Variants in FILIP1L observed in about 807,000 individuals in gnomAD.
FILIP1L encodes the protein filamin A-interacting protein 1-like.
In FILIP1L, 55 loss-of-function variants were observed where a neutral mutation model predicts 96.6. The ratio of observed to expected loss-of-function variants is 0.57; its 90% CI spans 0.46 to 0.71. The LOEUF is 0.71. Among genes scored for constraint, FILIP1L ranks in the 30% least tolerant of loss-of-function variants. The pLI is 0.00. For missense variants in FILIP1L, 1,304 were observed against 1,321.2 expected (o/e 0.99, Z 0.20); for synonymous variants, 467 against 473.9 (o/e 0.99, Z 0.19).
chr3:99,909,950 A>G lies in FILIP1L; in HGVS notation c.605+14280T>C, dbSNP rs1706741660. Reference sequence around the variant, plus strand: ...ACAAGAGCTGTTGTCATCTGACCAAAATGAGTGAGAAATTTCAGTTCTCGG... The same window carrying G: ...ACAAGAGCTGTTGTCATCTGACCAAGATGAGTGAGAAATTTCAGTTCTCGG... On this transcript the variant is annotated intron_variant, in intron 4 of 5. Coordinates refer to ENST00000477258, the MANE Select transcript of FILIP1L (RefSeq NM_001387850.1). Among the ~76,000 whole-genome samples the G allele has an allele frequency of 5.1e-5, 7 of 138,310 alleles. 1 individual carries two copies. Among genetic ancestry groups the G allele is most frequent in the Non-Finnish European group, 8.3e-5 (5 of 60,238 alleles). The allele number at this position is 138,310 out of a possible 152,430, so 90.7% of individuals were successfully genotyped here. A position where few individuals can be genotyped will look rare whatever the true frequency, so the allele number is the denominator to read the frequency against.
intron 1 of FILIP1L, among the ~76,000 whole-genome samples, chr3:100,098,286 A>G (rs2066245660): frequency 6.6e-6 from 1 of 152,254 alleles, no homozygotes; most frequent in Non-Finnish European, 1.5e-5. Context: ...AGAAGTAAAG[A>G]AACAAGCACT....
chr3:99,830,089 AG>A lies in FILIP1L; in HGVS notation c.*324del, dbSNP rs1315207364. ...ATGAAGAATTACTTCTGTTTTCACCAGAAAACTCTTGAACTGTTCTAGTGAA... is the reference window on the plus strand; with the variant it reads ...ATGAAGAATTACTTCTGTTTTCACCAAAAACTCTTGAACTGTTCTAGTGAA... On this transcript the variant is annotated 3_prime_UTR_variant, in exon 6 of 6. Transcript: ENST00000477258. The A allele has an allele frequency of 6.5e-6, 1 of 154,036 alleles. No individual in the cohort carries two copies. Among genetic ancestry groups the A allele is most frequent in the Non-Finnish European group, 1.5e-5 (1 of 68,870 alleles). 9.5% of individuals were successfully genotyped at this position (154,036 alleles called of 1,614,324 possible).
intron 3 of FILIP1L, among the ~76,000 whole-genome samples, chr3:99,926,080 A>G (rs1418049668): frequency 2.0e-5 from 3 of 152,238 alleles, no homozygotes; most frequent in African/African-American, 7.2e-5. Flanking sequence ...GTCATAAAAG[A>G]TTTAGAATGT....
Position 99,849,973 on chromosome 3 carries a change from T to C in FILIP1L, c.1703A>G (p.Lys568Arg). ...YSVTKERDDL[K>R]NKLKAEEEKG... Reference sequence around the variant, plus strand: ...CTCTTCTTCCGCTTTCAATTTGTTTTTTAAATCATCTCTCTCCTTGGTTAC... The same window carrying C: ...CTCTTCTTCCGCTTTCAATTTGTTTCTTAAATCATCTCTCTCCTTGGTTAC... The change falls in exon 5 of 6, where the codon AAA becomes AGA. Residue 568 changes from lysine (K) to arginine (R), a missense_variant. Physicochemically the swap from Lys to Arg is conservative, Grantham distance 26. Coordinates refer to ENST00000477258, the MANE Select transcript of FILIP1L (RefSeq NM_001387850.1). 6.2e-7 allele frequency: 1 copy of C among 1,612,676 alleles called. No individual in the cohort carries two copies. The highest frequency in any genetic ancestry group is 8.5e-7 in the Non-Finnish European group (1 of 1,179,746).
intron 4 of FILIP1L, among the ~76,000 whole-genome samples, chr3:99,866,256 A>C (rs982095127): frequency 2.0e-5 from 3 of 152,130 alleles, no homozygotes; most frequent in Non-Finnish European, 4.4e-5. Flanking sequence ...AAAAAGCCAA[A>C]GCAGGGGCCA....
chr3:99,969,623 A>T (rs1423409175), intron 1 of FILIP1L, among the ~76,000 whole-genome samples: 3 of 152,150 alleles, frequency 2.0e-5, no homozygotes, highest in Admixed American at 6.5e-5. Flanking sequence ...TTTTCCAGAG[A>T]TTGGAGAGCA....
intron 5 of FILIP1L, among the ~76,000 whole-genome samples, chr3:99,844,260 C>G (rs959120177): frequency 1.3e-5 from 2 of 152,146 alleles, no homozygotes; most frequent in African/African-American, 2.4e-5. Flanking sequence ...CCCTACGCCC[C>G]CAGAGGTTCT....
At chr3:99,872,621 T>C (rs1944858391) in intron 4 of FILIP1L, among the ~76,000 whole-genome samples, 1 of 152,066 alleles carries the variant, frequency 6.6e-6, no homozygotes, top group East Asian at 1.9e-4. Flanking sequence ...AAAAAAATTC[T>C]ATACTTAACA....
At chr3:99,924,439 C>G (rs760697151) in intron 3 of FILIP1L, 31 bp from the exon 4 acceptor site, 1 of 1,592,084 alleles carries the variant, frequency 6.3e-7, no homozygotes, top group Non-Finnish European at 8.6e-7. Flanking sequence ...AGCCTGTTAC[C>G]AAATTGTTTA....
intron 1 of FILIP1L, among the ~76,000 whole-genome samples, chr3:99,946,629 T>G (rs2107682888): frequency 6.6e-6 from 1 of 152,340 alleles, no homozygotes; most frequent in African/African-American, 2.4e-5. Context: ...TTTATGCATC[T>G]AACCCACTCT....
At chr3:100,098,191 C>A (rs76026932) in intron 1 of FILIP1L, among the ~76,000 whole-genome samples, 50 of 152,250 alleles carry the variant, frequency 3.3e-4, no homozygotes, top group African/African-American at 1.2e-3. Context: ...CACCAGTTAG[C>A]AGATTCACAT....
At position 99,930,919 on chromosome 3, in the gene FILIP1L, T is replaced by TC. The variant is rs751087845; in HGVS notation, c.101dup (p.Gln35ThrfsTer9). On this transcript the variant is annotated frameshift_variant, in exon 2 of 6. Transcript: ENST00000477258. LOFTEE classifies it high-confidence loss of function. ...CACTGGGGGAGTCTTTGTCTTGCTG[T>TC]CTATGCTTCATGTTTTTAGGCCCTT... 3.7e-6 allele frequency: 6 copies of TC among 1,613,506 alleles called. No individual in the cohort carries two copies. The South Asian group carries it at 5.5e-5, about 15-fold the overall frequency.
At chr3:99,916,780 C>T (rs193042499) in intron 4 of FILIP1L, among the ~76,000 whole-genome samples, 51 of 152,224 alleles carry the variant, frequency 3.4e-4, no homozygotes, top group African/African-American at 1.2e-3. Flanking sequence ...ACTCTGATAC[C>T]CTGTGCTCTT....
intron 4 of FILIP1L, among the ~76,000 whole-genome samples, chr3:99,851,299 G>T (rs1312776422): frequency 1.3e-5 from 2 of 152,140 alleles, no homozygotes; most frequent in East Asian, 1.9e-4. Context: ...TTCACCAGGA[G>T]CCTTAGTAAA....
chr3:99,954,151 A>G (rs1323691045), intron 1 of FILIP1L, among the ~76,000 whole-genome samples: 1 of 152,232 alleles, frequency 6.6e-6, no homozygotes, highest in Non-Finnish European at 1.5e-5. Context: ...AGGTACAAAT[A>G]TTGGTCTTCA....
rs1334718989 is a variant in FILIP1L at position 100,110,281 on chromosome 3, A to T, written c.-11+3772T>A. On this transcript the variant is annotated intron_variant, in intron 1 of 5. Coordinates refer to ENST00000477258, the MANE Select transcript of FILIP1L (RefSeq NM_001387850.1). The stretch of plus-strand genomic sequence containing the variant: ...GATGTTAGGGGCAGCTGAAACAAGG[A>T]GCTGGTGTCCCTAGTCACAACCTGT... 3.3e-5 allele frequency among the ~76,000 whole-genome samples: 5 copies of T among 152,114 alleles called. No homozygotes were observed. The East Asian group carries it at 9.6e-4, about 29-fold the overall frequency.
chr3:99,981,880 T>C (rs1439561789), intron 1 of FILIP1L, among the ~76,000 whole-genome samples: 1 of 152,198 alleles, frequency 6.6e-6, no homozygotes, highest in African/African-American at 2.4e-5. Flanking sequence ...GGCTCACACC[T>C]GTAATCCCAG....
chr3:100,061,258 A>G (rs764760915), intron 1 of FILIP1L, among the ~76,000 whole-genome samples: 2 of 152,258 alleles, frequency 1.3e-5, no homozygotes, highest in South Asian at 2.1e-4. Context: ...CACACTGAGT[A>G]TGTTTGTGTA....
In FILIP1L at chr3:99,930,867, T is replaced by C. The variant is rs372946403; in HGVS notation, c.154A>G (p.Lys52Glu). The C allele has an allele frequency of 5.6e-6, 9 of 1,613,068 alleles. No individual in the cohort carries two copies. Among genetic ancestry groups the C allele is most frequent in the Admixed American group, 1.7e-5 (1 of 59,912 alleles). Reference protein sequence around the residue: ...SESDVILPCPKAEKPHSGNGH... With the variant: ...SESDVILPCPEAEKPHSGNGH... ...TTACCACTGTGTGGCTTCTCTGCCT[T>C]GGGACACGGAAGTATTACATCCGAC... Residue 52 changes from lysine to glutamate, a missense_variant, in exon 2 of 6, where the codon AAG (lysine) becomes GAG (glutamate). Transcript: ENST00000477258.
Sources: gnomAD v4.1 joint callset for allele counts (sites outside exome capture counted in the v4.1 genomes callset) on GRCh38, gnomAD v4.1.1 for gene constraint, MANE v1.5 for transcripts, NCBI Gene and HGNC (gene_info 2026-07-23, HGNC 2026-07-21) for gene names.